CAMK2B: variants seen among roughly 807,000 people sequenced by gnomAD.
The protein encoded by CAMK2B is calcium/calmodulin-dependent protein kinase type II subunit beta.
Under a neutral mutation model 93.7 loss-of-function variants are expected in CAMK2B, and 27 were observed. That is an observed-to-expected ratio of 0.29 (90% CI 0.21 to 0.40). The LOEUF (loss-of-function observed/expected upper bound fraction) is 0.40. Ranked by LOEUF, CAMK2B falls within the 10% of genes least tolerant of loss-of-function variation. CAMK2B has a pLI of 1.00. For missense variants in CAMK2B, 568 were observed against 895.8 expected, an observed-to-expected ratio of 0.63 and a Z score of 4.67; for synonymous variants, 374 against 358.8, an observed-to-expected ratio of 1.04 and a Z score of -0.48.
intron 5 of CAMK2B, among the ~76,000 whole-genome samples, chr7:44,250,382 A>T (rs2096768894): frequency 6.6e-6 from 1 of 152,186 alleles, no homozygotes. Context: ...TGTTTTGAAC[A>T]GTTTAAGATG....
At chr7:44,240,017 G>A (rs1051955142) in intron 12 of CAMK2B, among the ~76,000 whole-genome samples, 30 of 152,276 alleles carry the variant, frequency 2.0e-4, no homozygotes, top group Non-Finnish European at 1.9e-4. Flanking sequence ...GATGGCGGGT[G>A]GGGGGCACCA....
At position 44,224,478 on chromosome 7, in the gene CAMK2B, G is replaced by A. The variant is rs78517643; in HGVS notation, c.1597+2038C>T. On this transcript the variant is annotated intron_variant, in intron 20 of 23. Transcript: ENST00000395749. This position sits in a 1 kb window ranked among gnomAD's most constrained non-coding sequence, Gnocchi z 4.4. The stretch of plus-strand genomic sequence containing the variant: ...GTGGTGGGCAGGGCCTGGGCTTGGA[G>A]GGGTCTGCACGAGCCAAGAGCCTCT... Among the ~76,000 whole-genome samples, 1 of 152,222 alleles carries A rather than the reference G, an allele frequency of 6.6e-6. No homozygotes were observed. The highest frequency in any genetic ancestry group is 1.5e-5 in the Non-Finnish European group (1 of 68,044).
rs1453717415 is a variant in CAMK2B, at chr7:44,242,262, T to G, written c.775A>C (p.Lys259Gln). 2 of 1,613,966 alleles carry G rather than the reference T, an allele frequency of 1.2e-6. No homozygotes were observed. The highest frequency in any genetic ancestry group is 1.3e-5 in the African/African-American group (1 of 74,932). ...INQMLTINPA[K>Q]RITAHEALKH... ...AGGGCCTCATGGGCTGTGATGCGCTTGGCAGGGTTGATGGTCAGCATCTGG... is the reference window on the plus strand; with the variant it reads ...AGGGCCTCATGGGCTGTGATGCGCTGGGCAGGGTTGATGGTCAGCATCTGG... The change falls in exon 10 of 24, where the codon AAG (lysine) becomes CAG (glutamine). Residue 259 changes from lysine to glutamine, a missense_variant. Physicochemically the swap from Lys to Gln is moderately conservative, Grantham distance 53. Coordinates refer to ENST00000395749, the MANE Select transcript of CAMK2B (RefSeq NM_001220.5).
chr7:44,253,780 T>C (rs2096803590), intron 5 of CAMK2B, among the ~76,000 whole-genome samples: 1 of 152,076 alleles, frequency 6.6e-6, no homozygotes, highest in South Asian at 2.1e-4. Context: ...AAGTTTTTGG[T>C]AGAGAGGGGG....
chr7:44,263,140 G>C (rs1212272200), intron 2 of CAMK2B, 76 bp from the exon 3 acceptor site: 4 of 1,389,508 alleles, frequency 2.9e-6, no homozygotes, highest in Non-Finnish European at 4.0e-6. Flanking sequence ...TGTCAGGAGA[G>C]GCCCACAAGG....
intron 20 of CAMK2B, among the ~76,000 whole-genome samples, chr7:44,223,383 C>T (rs1253807973): frequency 6.6e-6 from 1 of 152,170 alleles, no homozygotes; most frequent in East Asian, 1.9e-4. Flanking sequence ...ACCTGGTGGA[C>T]CCCGGAAAGC....
intron 1 of CAMK2B, among the ~76,000 whole-genome samples, chr7:44,317,250 A>G (rs1248558948): frequency 8.1e-6 from 1 of 123,300 alleles, no homozygotes. Flanking sequence ...GGAAAAATGA[A>G]AAAAAAAAAA....
chr7:44,225,483 C>T lies in CAMK2B; in HGVS notation c.1597+1033G>A, dbSNP rs931647164. On this transcript the variant is annotated intron_variant, in intron 20 of 23. Transcript: ENST00000395749. The surrounding 1 kb of genome is among the most constrained non-coding windows in gnomAD (Gnocchi z 5.0). ...CCTGGCCTCTCCCCTCAGCTGCTTG[C>T]CTCTGATCCCCTCAGTCAACCCCTG... is the stretch of plus-strand genomic sequence containing the variant. 2.0e-5 allele frequency among the ~76,000 whole-genome samples: 3 copies of T among 152,166 alleles called. No individual in the cohort carries two copies. The highest frequency in any genetic ancestry group is 2.0e-4 in the Admixed American group (3 of 15,284).
intron 5 of CAMK2B, among the ~76,000 whole-genome samples, chr7:44,253,905 T>C (rs1254946900): frequency 6.7e-6 from 1 of 149,462 alleles, no homozygotes; most frequent in African/African-American, 2.4e-5. Context: ...GCCTCAGTTT[T>C]TTTTTTTTTT....
chr7:44,243,286 C>A lies in CAMK2B; in HGVS notation c.565G>T (p.Glu189Ter), dbSNP rs751458189. 1 of 1,614,032 alleles carries A rather than the reference C, an allele frequency of 6.2e-7. No homozygotes were observed. The highest frequency in any genetic ancestry group is 8.5e-7 in the Non-Finnish European group (1 of 1,179,974). ...ATGTCCACAGGCTTGCCATACGCCT[C>A]TTTGCGAAGGACCTCAGGGGACAGG... Reference protein sequence around the residue: ...GYLSPEVLRKEAYGKPVDIWA... With the variant: ...GYLSPEVLRK The change falls in exon 8 of 24, where the codon GAG becomes TAG. Residue 189 changes from glutamate (E) to a stop codon, truncating the protein, a stop_gained. Coordinates refer to ENST00000395749, the MANE Select transcript of CAMK2B (RefSeq NM_001220.5). LOFTEE classifies it high-confidence loss of function.
At chr7:44,318,047 C>T (rs1177217231) in intron 1 of CAMK2B, among the ~76,000 whole-genome samples, 1 of 152,212 alleles carries the variant, frequency 6.6e-6, no homozygotes, top group African/African-American at 2.4e-5. Flanking sequence ...TTGAGAACCA[C>T]CACATGGTCA....
intron 22 of CAMK2B, 95 bp downstream of exon 22, chr7:44,220,521 C>T (rs959141072): frequency 2.7e-6 from 3 of 1,117,198 alleles, no homozygotes; most frequent in African/African-American, 3.1e-5. Context: ...GGGGACAGGG[C>T]TTCCATAGGC....
At chr7:44,325,260 GGGCC>G in intron 1 of CAMK2B, 93 bp downstream of exon 1, 1 of 621,028 alleles carries the variant, frequency 1.6e-6, no homozygotes, top group Non-Finnish European at 2.0e-6. Flanking sequence ...GGCGGCGCGC[GGGCC>G]CGCAGTGCGC....
At chr7:44,284,413 C>G (rs974148374) in intron 1 of CAMK2B, among the ~76,000 whole-genome samples, 188 bp from the exon 2 acceptor site, 3 of 152,270 alleles carry the variant, frequency 2.0e-5, no homozygotes, top group Non-Finnish European at 4.4e-5. Context: ...CTCAGCTGGC[C>G]CCACTCAACA....
chr7:44,234,622 C>A lies in CAMK2B; in HGVS notation c.1059+17G>T, dbSNP rs1397603838. On this transcript the variant is annotated intron_variant, in intron 14 of 23. Transcript: ENST00000395749. ...CTCTGGGCTCCCCGGCACCACAGGGCCCGGCTGGAGCCTCACCTTGACTCC... is the reference window on the plus strand; with the variant it reads ...CTCTGGGCTCCCCGGCACCACAGGGACCGGCTGGAGCCTCACCTTGACTCC... 1 of 1,613,796 alleles carries A rather than the reference C, an allele frequency of 6.2e-7. No individual in the cohort carries two copies. The highest frequency in any genetic ancestry group is 2.2e-5 in the East Asian group (1 of 44,888).
intron 5 of CAMK2B, among the ~76,000 whole-genome samples, chr7:44,249,135 C>T (rs574313811): frequency 1.2e-4 from 19 of 152,324 alleles, no homozygotes; most frequent in Admixed American, 4.6e-4. Context: ...CATCTACTTC[C>T]CATGCTGCCC....
At chr7:44,235,130 G>C (rs1332862297) in intron 13 of CAMK2B, among the ~76,000 whole-genome samples, 1 of 152,220 alleles carries the variant, frequency 6.6e-6, no homozygotes, top group East Asian at 1.9e-4. Flanking sequence ...GGGGTGGGTG[G>C]GCTGCAGCTG....
intron 2 of CAMK2B, among the ~76,000 whole-genome samples, chr7:44,279,876 T>A (rs1188795613): frequency 6.6e-6 from 1 of 152,106 alleles, no homozygotes; most frequent in Non-Finnish European, 1.5e-5. Flanking sequence ...CTCCTACTCA[T>A]CCCTCAACGC....
At chr7:44,284,380 G>A (rs1271526455) in intron 1 of CAMK2B, among the ~76,000 whole-genome samples, 155 bp from the exon 2 acceptor site, 1 of 152,270 alleles carries the variant, frequency 6.6e-6, no homozygotes, top group Non-Finnish European at 1.5e-5. Context: ...CTGTGAGGAA[G>A]TGGGTGCCCC....
Sources: gnomAD v4.1 joint callset for allele counts (sites outside exome capture counted in the v4.1 genomes callset) on GRCh38, gnomAD v4.1.1 for gene constraint, Gnocchi (gnomAD v3.1) non-coding constraint, MANE v1.5 for transcripts, NCBI Gene and HGNC (gene_info 2026-07-23, HGNC 2026-07-21) for gene names.